TLR1: variants seen among roughly 807,000 people sequenced by gnomAD.
TLR1 encodes toll like receptor 1.
A neutral mutation model predicts 20.2 loss-of-function variants in TLR1; 19 were observed. The observed-to-expected ratio is 0.94, with a 90% CI of 0.66 to 1.38. The LOEUF is 1.38. Ranked by LOEUF, TLR1 falls within the 40% of genes most tolerant of loss-of-function variation. The pLI is 0.00. For synonymous variants in TLR1, 320 were observed against 334.5 expected, an observed-to-expected ratio of 0.96 and a Z score of 0.47; for missense variants, 921 against 910.0, an observed-to-expected ratio of 1.01 and a Z score of -0.16.
downstream of TLR1, among the ~76,000 whole-genome samples, chr4:38,794,275 T>C (rs570236862): frequency 3.7e-4 from 56 of 152,348 alleles, no homozygotes; most frequent in African/African-American, 1.3e-3. Flanking sequence ...ATTTTTGCAA[T>C]TCCATTACAG....
intron 3 of TLR1, 81 bp from the exon 4 acceptor site, chr4:38,798,979 CT>C (rs1030382592): frequency 6.8e-5 from 48 of 704,168 alleles, no homozygotes; most frequent in Middle Eastern, 4.1e-4. Flanking sequence ...TGACATTAAA[CT>C]TTTTTTTGTT....
chr4:38,798,011 C>T lies in TLR1; in HGVS notation c.821G>A (p.Trp274Ter). ...ILQLVWHTTV[W>*]YFSISNVKLQ... ...CTTCACGTTTGAAATTGAGAAATAC[C>T]ATACAGTTGTATGCCAAACCAGCTG... Residue 274 changes from tryptophan (W) to a stop codon, truncating the protein, a stop_gained, in exon 4 of 4, where the codon TGG becomes TAG. Transcript: ENST00000308979. LOFTEE classifies it low-confidence loss of function (END_TRUNC). The T allele has an allele frequency of 6.2e-7, 1 of 1,614,096 alleles. No homozygotes were observed. The highest frequency in any genetic ancestry group is 1.1e-5 in the South Asian group (1 of 91,076).
In TLR1 at chr4:38,796,868, A is replaced by G. The variant is rs1447440378; in HGVS notation, c.1964T>C (p.Leu655Ser). ...GHDSFWVKNELLPNLEKEGMQ... is the reference protein window; with the variant it reads ...GHDSFWVKNESLPNLEKEGMQ... ...ACCTTCTTTCTCTAGGTTTGGCAAT[A>G]ATTCATTCTTCACCCAGAAAGAATC... The change falls in exon 4 of 4, where the codon TTA (leucine) becomes TCA (serine). Residue 655 changes from leucine to serine, a missense_variant. Transcript: ENST00000308979. 6.2e-7 allele frequency: 1 copy of G among 1,614,206 alleles called. No individual in the cohort carries two copies. The highest frequency in any genetic ancestry group is 1.7e-5 in the Admixed American group (1 of 60,020).
chr4:38,796,218 T>G (rs1049389688), downstream of TLR1: 2 of 455,744 alleles, frequency 4.4e-6, no homozygotes, highest in Admixed American at 3.7e-5. Flanking sequence ...CATGATAAAT[T>G]CAGAACTCAG....
rs551419596 is a variant in TLR1, at chr4:38,798,879, T to C, written c.-48A>G. On this transcript the variant is annotated 5_prime_UTR_variant, in exon 4 of 4. The change abolishes an upstream ATG in the 5' untranslated region. Coordinates refer to ENST00000308979, the MANE Select transcript of TLR1 (RefSeq NM_003263.4). ...AAGGTAGAAGCTGTTCTTCAGATCA[T>C]CTTGATACAGATACAGATTCTAGAA... 1.5e-6 allele frequency: 2 copies of C among 1,348,412 alleles called. No homozygotes were observed. Among genetic ancestry groups the C allele is most frequent in the Admixed American group, 2.4e-5 (1 of 42,348 alleles). The allele number at this position is 1,348,412 out of a possible 1,614,324, so 83.5% of individuals were successfully genotyped here.
chr4:38,801,392 A>C (rs983368850), intron 2 of TLR1, among the ~76,000 whole-genome samples: 1 of 152,242 alleles, frequency 6.6e-6, no homozygotes, highest in Non-Finnish European at 1.5e-5. Context: ...CAGAACTGTG[A>C]AAAGTAAGTG....
At chr4:38,792,970 T>A (rs1043527766), downstream of TLR1, among the ~76,000 whole-genome samples, 1 of 151,686 alleles carries the variant, frequency 6.6e-6, no homozygotes, top group Non-Finnish European at 1.5e-5. Flanking sequence ...TGGAACTAGG[T>A]TAGTCTCAAT....
Position 38,796,589 on chromosome 4 carries a change from C to A in TLR1, c.2243G>T (p.Ser748Ile). The A allele has an allele frequency of 6.2e-7, 1 of 1,614,160 alleles. No individual in the cohort carries two copies. The change falls in exon 4 of 4, where the codon AGT becomes ATT. Residue 748 changes from serine to isoleucine, a missense_variant. Ser to Ile is a moderately radical substitution (Grantham distance 142). Coordinates refer to ENST00000308979, the MANE Select transcript of TLR1 (RefSeq NM_003263.4). ...CAAATAAGTCCTCCTGGCCATGAGA[C>A]TTTTGAGCTTGTGATAACTGCTAGG... ...SIPSSYHKLK[S>I]LMARRTYLEW...
In TLR1 at chr4:38,796,304, T is replaced by C. The variant is rs1726047200; in HGVS notation, c.*167A>G. Reference sequence around the variant, plus strand: ...AAAGTTATATCATTTCATTAATTTTTAATACCACATATAAATGGTGAACTG... The same window carrying C: ...AAAGTTATATCATTTCATTAATTTTCAATACCACATATAAATGGTGAACTG... On this transcript the variant is annotated 3_prime_UTR_variant, in exon 4 of 4. Coordinates refer to ENST00000308979, the MANE Select transcript of TLR1 (RefSeq NM_003263.4). 1 of 691,470 alleles carries C rather than the reference T, an allele frequency of 1.4e-6. No individual in the cohort carries two copies. The highest frequency in any genetic ancestry group is 2.3e-6 in the Non-Finnish European group (1 of 425,768). 42.8% of individuals were successfully genotyped at this position (691,470 alleles called of 1,614,324 possible). A position where few individuals can be genotyped will look rare whatever the true frequency, so the allele number is the denominator to read the frequency against.
rs774534624 is a variant in TLR1, at chr4:38,797,432, AGTTTTACGACTT to A, written c.1388_1399del (p.Gln463_Lys466del). 4.0e-5 allele frequency: 64 copies of A among 1,614,242 alleles called. No individual in the cohort carries two copies. In the East Asian group the frequency reaches 1.4e-3, roughly 35 times the overall value. On this transcript the variant is annotated inframe_deletion, in exon 4 of 4. Transcript: ENST00000308979. ...AACATTGAGTTCTTGCAAAGCTTCCAGTTTTACGACTTGTTTAGGAATGCTCTTTATTTTATT... is the reference window on the plus strand; with the variant it reads ...AACATTGAGTTCTTGCAAAGCTTCCAGTTTAGGAATGCTCTTTATTTTATT...
Position 38,797,349 on chromosome 4 carries a change from A to G in TLR1, c.1483T>C (p.Leu495=). 7.4e-6 allele frequency: 12 copies of G among 1,614,148 alleles called. No homozygotes were observed. Among genetic ancestry groups the G allele is most frequent in the Non-Finnish European group, 1.0e-5 (12 of 1,179,980 alleles). ...GAAACTGAATTGTGATCAATGATCA[A>G]TACAGAAAGGCTGCTAAAGCTGCCA... ...GCGSFSSLSV[L]IIDHNSVSHP... is the part of the protein sequence containing the mutation. Residue 495 remains leucine, a synonymous_variant, in exon 4 of 4, where the codon TTG becomes CTG. Transcript: ENST00000308979.
At chr4:38,805,218 G>A (rs1164280339), upstream of TLR1, 1 of 152,088 alleles carries the variant, frequency 6.6e-6, no homozygotes, top group East Asian at 1.9e-4. Context: ...AAGAGGGAGG[G>A]GTCGAGATTA....
chr4:38,801,690 C>T (rs537183224), intron 2 of TLR1, among the ~76,000 whole-genome samples: 4 of 152,316 alleles, frequency 2.6e-5, no homozygotes, highest in South Asian at 4.1e-4. Context: ...TGCATGAGTG[C>T]GAGAGCTTGG....
Position 38,798,317 on chromosome 4 carries a change from CCTA to C in TLR1, c.512_514del (p.Leu171_Gly172delinsTer). 1 of 1,613,828 alleles carries C rather than the reference CCTA, an allele frequency of 6.2e-7. No individual in the cohort carries two copies. Among genetic ancestry groups the C allele is most frequent in the Non-Finnish European group, 8.5e-7 (1 of 1,179,848 alleles). ...GTCTTCTTTTTCCCCATAAGTCTCT[CCTA>C]AGACCAGCAAGACCTTGCTGATATT... On this transcript the variant is annotated stop_gained and inframe_deletion, in exon 4 of 4. Transcript: ENST00000308979. LOFTEE classifies it low-confidence loss of function (END_TRUNC).
chr4:38,794,836 CA>C (rs201898312), downstream of TLR1, among the ~76,000 whole-genome samples: 4,941 of 152,198 alleles, frequency 0.032, 111 homozygotes, highest in African/African-American at 0.053. Context: ...CCTTCCCACT[CA>C]AAAAAGTAGA....
intron 2 of TLR1, among the ~76,000 whole-genome samples, chr4:38,803,306 C>T (rs1726803776): frequency 6.6e-6 from 1 of 152,284 alleles, no homozygotes; most frequent in South Asian, 2.1e-4. Context: ...CACTCTCTCT[C>T]TTACTCTAAA....
chr4:38,800,608 C>T (rs1161744666), intron 3 of TLR1: 1 of 151,868 alleles, frequency 6.6e-6, no homozygotes, highest in African/African-American at 2.4e-5. Flanking sequence ...CTCCAGAGAC[C>T]CTTTCAGCCG....
At chr4:38,801,251 T>C (rs1478515627) in intron 2 of TLR1, among the ~76,000 whole-genome samples, 1 of 152,130 alleles carries the variant, frequency 6.6e-6, no homozygotes, top group African/African-American at 2.4e-5. Context: ...AGTACCTTTA[T>C]AAAAAAGACC....
rs1301926153 is a variant in TLR1, at chr4:38,796,717, T to C, written c.2115A>G (p.Glu705=). The change falls in exon 4 of 4, where the codon GAA becomes GAG. Residue 705 remains glutamate, a synonymous_variant. Transcript: ENST00000308979. ...FVLSPNFVQS[E]WCHYELYFAH... ...CAAAGTAGAGTTCATAATGGCACCATTCACTCTGGACAAAGTTGGGAGACA... is the reference window on the plus strand; with the variant it reads ...CAAAGTAGAGTTCATAATGGCACCACTCACTCTGGACAAAGTTGGGAGACA... 11 of 1,614,106 alleles carry C rather than the reference T, an allele frequency of 6.8e-6. No individual in the cohort carries two copies. The South Asian group carries it at 8.8e-5, about 13-fold the overall frequency.
Sources: gnomAD v4.1 joint callset for allele counts (sites outside exome capture counted in the v4.1 genomes callset) on GRCh38, gnomAD v4.1.1 for gene constraint, MANE v1.5 for transcripts, NCBI Gene and HGNC (gene_info 2026-07-23, HGNC 2026-07-21) for gene names.